POTEE: variants seen among roughly 807,000 people sequenced by gnomAD.
POTEE encodes the protein POTE ankyrin domain family member E.
Under a neutral mutation model 74.2 loss-of-function variants are expected in POTEE, and 21 were observed. The ratio of observed to expected loss-of-function variants is 0.28; its 90% CI spans 0.20 to 0.41. The LOEUF (loss-of-function observed/expected upper bound fraction) is 0.41, where lower values mean the gene tolerates loss of function less well. POTEE is among the 10% of genes least tolerant of loss of function. POTEE has a pLI of 1.00. For synonymous variants in POTEE, 211 were observed against 432.8 expected (o/e 0.49, Z 6.36); for missense variants, 525 against 1,158.6 (o/e 0.45, Z 7.94).
At chr2:131,260,606 ACT>A (rs1701678918) in intron 16 of POTEE, among the ~76,000 whole-genome samples, 1 of 148,822 alleles carries the variant, frequency 6.7e-6, no homozygotes. Context: ...GTTGATATGA[ACT>A]CTCAGCTTGG....
chr2:131,263,726 G>C lies in POTEE; in HGVS notation c.2271G>C (p.Glu757Asp). ...MHQKESYVGKEAQSKRGILTL... is the reference protein window; with the variant it reads ...MHQKESYVGKDAQSKRGILTL... The stretch of plus-strand genomic sequence containing the variant: ...AGAAAGAGTCCTATGTGGGCAAGGA[G>C]GCCCAGAGCAAGAGAGGCATCCTGA... The change falls in exon 18 of 18, where the codon GAG becomes GAC. Residue 757 changes from glutamate (E) to aspartate (D), a missense_variant. Glu to Asp is a conservative substitution (Grantham distance 45). Transcript: ENST00000683005. The C allele has an allele frequency of 6.2e-7, 1 of 1,611,176 alleles. No individual in the cohort carries two copies. Among genetic ancestry groups the C allele is most frequent in the Non-Finnish European group, 8.5e-7 (1 of 1,179,616 alleles).
chr2:131,217,720 G>T (rs1316219880), intron 3 of POTEE, among the ~76,000 whole-genome samples, 37 bp downstream of exon 3: 1 of 150,672 alleles, frequency 6.6e-6, no homozygotes, highest in African/African-American at 2.5e-5. Context: ...TGTGCCACGT[G>T]CCCTGACGCC....
intron 1 of POTEE, among the ~76,000 whole-genome samples, 28 bp from the exon 2 acceptor site, chr2:131,211,000 C>T (rs895692496): frequency 4.6e-5 from 7 of 151,254 alleles, no homozygotes; most frequent in Non-Finnish European, 8.8e-5. Context: ...GAGGCTCTAA[C>T]GTTACCACTC....
intron 9 of POTEE, among the ~76,000 whole-genome samples, chr2:131,231,996 A>C (rs1293442254): frequency 6.6e-6 from 1 of 152,122 alleles, no homozygotes; most frequent in African/African-American, 2.4e-5. Flanking sequence ...TCTCCATTTC[A>C]TTTCTGTGGT....
At chr2:131,262,833 T>C (rs1191917974) in intron 17 of POTEE, among the ~76,000 whole-genome samples, 1 of 152,286 alleles carries the variant, frequency 6.6e-6, no homozygotes, top group African/African-American at 2.4e-5. Context: ...ATATTAGAAA[T>C]GTAGAATATC....
At chr2:131,232,978 A>G (rs1226636996) in intron 9 of POTEE, among the ~76,000 whole-genome samples, 3 of 152,034 alleles carry the variant, frequency 2.0e-5, no homozygotes, top group African/African-American at 7.3e-5. Flanking sequence ...CTGGGAAGGT[A>G]AATACCTGAT....
Position 131,263,615 on chromosome 2 carries a change from CT to C in POTEE, c.2163del (p.Phe721LeufsTer23), listed in dbSNP as rs1559207646. The C allele has an allele frequency of 1.3e-6, 2 of 1,593,816 alleles. No individual in the cohort carries two copies. Among genetic ancestry groups the C allele is most frequent in the Admixed American group, 1.8e-5 (1 of 56,690 alleles). ...ACGGCTCTGGCATGTGCAAGGCCGG[CT>C]TTGCGGGCGACGATGCCCCCCGGGC... ...DNGSGMCKAG[F>X]AGDDAPRAVF... On this transcript the variant is annotated frameshift_variant, in exon 18 of 18. Transcript: ENST00000683005. LOFTEE classifies it high-confidence loss of function.
At chr2:131,211,511 AG>A (rs1700356457) in intron 2 of POTEE, among the ~76,000 whole-genome samples, 1 of 30,892 alleles carries the variant, frequency 3.2e-5, no homozygotes, top group Admixed American at 7.0e-4. Context: ...AACAAAATTT[AG>A]GGGGTGACTG....
At chr2:131,256,895 A>G (rs2105131629) in intron 16 of POTEE, among the ~76,000 whole-genome samples, 1 of 152,430 alleles carries the variant, frequency 6.6e-6, no homozygotes, top group South Asian at 2.1e-4. Flanking sequence ...TTGGGAACAT[A>G]CCAGGGATGC....
At position 131,230,725 on chromosome 2, in the gene POTEE, G is replaced by C. The variant is rs947900292; in HGVS notation, c.1056-111G>C. The C allele has an allele frequency of 3.4e-6, 4 of 1,191,986 alleles. No homozygotes were observed. The African/African-American group carries it at 4.6e-5, about 14-fold the overall frequency. 73.8% of individuals were successfully genotyped at this position (1,191,986 alleles called of 1,614,324 possible). On this transcript the variant is annotated intron_variant, in intron 8 of 17. Transcript: ENST00000683005. ...TAAGTGGATGGGATAATACTATTAA[G>C]TTCTGTTATTCTGATATTGTTTGAA...
chr2:131,226,741 A>T (rs868330535), intron 6 of POTEE, 82 bp from the exon 7 acceptor site: 70 of 1,596,536 alleles, frequency 4.4e-5, no homozygotes, highest in Non-Finnish European at 5.6e-5. Flanking sequence ...AGTCCATAAG[A>T]TCTTACATAA....
chr2:131,263,914 C>G lies in POTEE; in HGVS notation c.2459C>G (p.Thr820Ser). The change falls in exon 18 of 18, where the codon ACC (threonine) becomes AGC (serine). Residue 820 changes from threonine (T) to serine (S), a missense_variant. By Grantham distance (58) the Thr-to-Ser change is moderately conservative (BLOSUM62 1). Coordinates refer to ENST00000683005, the MANE Select transcript of POTEE (RefSeq NM_001083538.3). ...LNPKANREKM[T>S]QIMFETFNTP... The stretch of plus-strand genomic sequence containing the variant: ...CCCAAGGCCAACCGCGAGAAGATGA[C>G]CCAGATCATGTTTGAGACCTTCAAC... The G allele has an allele frequency of 6.2e-7, 1 of 1,614,194 alleles. No individual in the cohort carries two copies. The highest frequency in any genetic ancestry group is 1.6e-4 in the Middle Eastern group (1 of 6,062).
chr2:131,256,946 A>C, intron 16 of POTEE, among the ~76,000 whole-genome samples: 1 of 152,308 alleles, frequency 6.6e-6, no homozygotes. Context: ...AAACAAAGTG[A>C]TTTATCATCT....
At chr2:131,213,279 C>CT (rs899638127) in intron 2 of POTEE, among the ~76,000 whole-genome samples, 2 of 151,860 alleles carry the variant, frequency 1.3e-5, no homozygotes, top group Non-Finnish European at 2.9e-5. Context: ...ACTTTTGTAT[C>CT]TAAGAACCTG....
chr2:131,212,985 A>G (rs1700387826), intron 2 of POTEE, among the ~76,000 whole-genome samples: 1 of 149,554 alleles, frequency 6.7e-6, no homozygotes, highest in South Asian at 2.1e-4. Context: ...TTTGAGATGA[A>G]GTCTCGCTCT....
chr2:131,248,108 C>T (rs1267067772), intron 13 of POTEE, among the ~76,000 whole-genome samples: 20 of 146,196 alleles, frequency 1.4e-4, no homozygotes, highest in African/African-American at 2.6e-4. Context: ...GGTTTTCACC[C>T]GTCCATGGTG....
chr2:131,236,526 A>G (rs1701137229), intron 9 of POTEE, among the ~76,000 whole-genome samples: 1 of 151,780 alleles, frequency 6.6e-6, no homozygotes, highest in South Asian at 2.1e-4. Flanking sequence ...TGTTGGGTGG[A>G]TGAATTTGTG....
chr2:131,212,819 T>G (rs949522787), intron 2 of POTEE, among the ~76,000 whole-genome samples: 3 of 150,746 alleles, frequency 2.0e-5, no homozygotes, highest in Non-Finnish European at 4.4e-5. Context: ...CTGTCTCAGC[T>G]TCCCAAAGTG....
chr2:131,227,027 G>A (rs1378468777), intron 7 of POTEE, 98 bp downstream of exon 7: 14 of 1,460,398 alleles, frequency 9.6e-6, no homozygotes, highest in Admixed American at 4.3e-5. Context: ...TTACTGGGAT[G>A]TAGTGATCAG....
Sources: allele counts gnomAD v4.1 joint callset (sites outside exome capture counted in the v4.1 genomes callset), GRCh38; gene constraint gnomAD v4.1.1; transcripts MANE v1.5; gene names NCBI Gene and HGNC (gene_info 2026-07-23, HGNC 2026-07-21).